Variants in CEBPG observed in about 807,000 individuals in gnomAD.
CEBPG encodes CCAAT/enhancer-binding protein gamma.
A neutral mutation model predicts 11.1 loss-of-function variants in CEBPG; 6 were observed. The observed-to-expected ratio is 0.54, with a 90% confidence interval of 0.30 to 1.07. CEBPG has a LOEUF of 1.07. Among genes scored for constraint, CEBPG ranks in the 50% least tolerant of loss-of-function variants. The probability of loss-of-function intolerance (pLI) is 0.07; values close to 1 mark genes in which losing one functional copy is unlikely to be tolerated. For synonymous variants in CEBPG, 66 were observed against 71.0 expected, an observed-to-expected ratio of 0.93 and a Z score of 0.36; for missense variants, 161 against 187.4, an observed-to-expected ratio of 0.86 and a Z score of 0.82.
chr19:33,379,878 T>C lies in CEBPG; in HGVS notation c.*186T>C. 3.8e-6 allele frequency: 2 copies of C among 527,452 alleles called. No individual in the cohort carries two copies. Among genetic ancestry groups the C allele is most frequent in the South Asian group, 7.7e-5 (2 of 25,962 alleles). 32.7% of individuals were successfully genotyped at this position (527,452 alleles called of 1,614,324 possible). A position where few individuals can be genotyped will look rare whatever the true frequency, so the allele number is the denominator to read the frequency against. On this transcript the variant is annotated 3_prime_UTR_variant, in exon 2 of 2. Transcript: ENST00000284000. Reference sequence around the variant, plus strand: ...ATGTTAGCCTTGTAATTCGAATATCTGGTTTTAAATGATAGAGGTTTTTGT... The same window carrying C: ...ATGTTAGCCTTGTAATTCGAATATCCGGTTTTAAATGATAGAGGTTTTTGT...
At chr19:33,376,046 G>A (rs1967907668) in intron 1 of CEBPG, among the ~76,000 whole-genome samples, 1 of 149,118 alleles carries the variant, frequency 6.7e-6, no homozygotes, top group Admixed American at 6.6e-5. Context: ...TGGAGAGGAA[G>A]AGTAGATGGG....
rs754310521 is a variant in CEBPG at position 33,379,218 on chromosome 19, G to A, written c.-22G>A. On this transcript the variant is annotated 5_prime_UTR_variant, in exon 2 of 2. Transcript: ENST00000284000. Reference sequence around the variant, plus strand: ...CTGCTCTCATTTCTACCTGTTCTGTGTTGGCAAGGGAGAGTGCCCAAATGA... The same window carrying A: ...CTGCTCTCATTTCTACCTGTTCTGTATTGGCAAGGGAGAGTGCCCAAATGA... 7 of 1,515,916 alleles carry A rather than the reference G, an allele frequency of 4.6e-6. No homozygotes were observed. In the Admixed American group the frequency reaches 1.6e-4, roughly 34 times the overall value. The allele number at this position is 1,515,916 out of a possible 1,614,324, so 93.9% of individuals were successfully genotyped here. A position where few individuals can be genotyped will look rare whatever the true frequency, so the allele number is the denominator to read the frequency against.
At position 33,378,089 on chromosome 19, in the gene CEBPG, T is replaced by C. The variant is rs114348619; in HGVS notation, c.-96-1055T>C. On this transcript the variant is annotated intron_variant, in intron 1 of 1. Coordinates refer to ENST00000284000, the MANE Select transcript of CEBPG (RefSeq NM_001806.4). ...TGATTCCTTGGTGGACACCGTTCAC[T>C]GAACTTAGTTTGTCTTGAAGTGGCC... Among the ~76,000 whole-genome samples the C allele has an allele frequency of 9.8e-3, 1,500 of 152,374 alleles. 35 individuals carry two copies. Among genetic ancestry groups the C allele is most frequent in the African/African-American group, 0.035 (1,451 of 41,600 alleles).
At chr19:33,374,210 G>A (rs1967881253) in intron 1 of CEBPG, 1 of 151,124 alleles carries the variant, frequency 6.6e-6, no homozygotes, top group African/African-American at 2.4e-5. Flanking sequence ...AACGGCCGGG[G>A]AATGCCCCCT....
chr19:33,379,670 A>C lies in CEBPG; in HGVS notation c.431A>C (p.Asp144Ala). Residue 144 changes from aspartate to alanine, a missense_variant, in exon 2 of 2, where the codon GAT becomes GCT. By Grantham distance (126) the Asp-to-Ala change is moderately radical. Coordinates refer to ENST00000284000, the MANE Select transcript of CEBPG (RefSeq NM_001806.4). ...ATTAGCACTGAAAATACGACAGCAG[A>C]TGGCGACAATGCAGGACAGTAGACC... ...QSISTENTTA[D>A]GDNAGQ The C allele has an allele frequency of 6.2e-7, 1 of 1,612,506 alleles. No individual in the cohort carries two copies. Among genetic ancestry groups the C allele is most frequent in the Non-Finnish European group, 8.5e-7 (1 of 1,178,810 alleles).
chr19:33,376,028 G>C (rs1162592099), intron 1 of CEBPG, among the ~76,000 whole-genome samples: 2 of 151,986 alleles, frequency 1.3e-5, no homozygotes, highest in Non-Finnish European at 2.9e-5. Context: ...ATTTCGATGG[G>C]ATTGGGATGG....
rs758256565 is a variant in CEBPG, at chr19:33,379,449, G to C, written c.210G>C (p.Glu70Asp). The C allele has an allele frequency of 1.9e-6, 3 of 1,614,000 alleles. No individual in the cohort carries two copies. In the African/African-American group the frequency reaches 4.0e-5, roughly 22 times the overall value. The change falls in exon 2 of 2, where the codon GAG becomes GAC. Residue 70 changes from glutamate (E) to aspartate (D), a missense_variant. Physicochemically the swap from Glu to Asp is conservative, Grantham distance 45 (BLOSUM62 2). Coordinates refer to ENST00000284000, the MANE Select transcript of CEBPG (RefSeq NM_001806.4). The stretch of plus-strand genomic sequence containing the variant: ...GTGACGAGTATCGGCAACGCCGAGA[G>C]AGGAACAACATGGCTGTGAAAAAGA... ...RNSDEYRQRR[E>D]RNNMAVKKSR...
At chr19:33,376,858 A>G (rs1432415394) in intron 1 of CEBPG, among the ~76,000 whole-genome samples, 1 of 152,234 alleles carries the variant, frequency 6.6e-6, no homozygotes, top group Non-Finnish European at 1.5e-5. Flanking sequence ...GTGTAAAATC[A>G]CTTAGCTCTT....
At chr19:33,375,063 T>A (rs1383415087) in intron 1 of CEBPG, among the ~76,000 whole-genome samples, 1 of 152,220 alleles carries the variant, frequency 6.6e-6, no homozygotes, top group Admixed American at 6.5e-5. Flanking sequence ...CAAGGCTAAA[T>A]AATTACAGGG....
At chr19:33,374,331 C>G (rs1967883692) in intron 1 of CEBPG, 1 of 152,160 alleles carries the variant, frequency 6.6e-6, no homozygotes, top group South Asian at 2.1e-4. Flanking sequence ...CCGAGTCGAG[C>G]TTTAGAATCC....
At position 33,379,188 on chromosome 19, in the gene CEBPG, T is replaced by TC; in HGVS notation, c.-51dup. 6.8e-7 allele frequency: 1 copy of TC among 1,466,676 alleles called. No homozygotes were observed. The highest frequency in any genetic ancestry group is 9.1e-7 in the Non-Finnish European group (1 of 1,102,126). The allele number at this position is 1,466,676 out of a possible 1,614,324, so 90.9% of individuals were successfully genotyped here. A position where few individuals can be genotyped will look rare whatever the true frequency, so the allele number is the denominator to read the frequency against. On this transcript the variant is annotated 5_prime_UTR_variant, in exon 2 of 2. Transcript: ENST00000284000. Reference sequence around the variant, plus strand: ...GGCAGCTTAGCGTGGAAACCATTGATCACCCTGCTCTCATTTCTACCTGTT... The same window carrying TC: ...GGCAGCTTAGCGTGGAAACCATTGATCCACCCTGCTCTCATTTCTACCTGTT...
In CEBPG at chr19:33,379,925, G is replaced by A. The variant is rs866785295; in HGVS notation, c.*233G>A. ...TTGTGGGAATCAAAATCCCCCAAAT[G>A]TTAAGGTATATGGTAAAAAAAGAAA... is the stretch of plus-strand genomic sequence containing the variant. On this transcript the variant is annotated 3_prime_UTR_variant, in exon 2 of 2. Transcript: ENST00000284000. 1.1e-5 allele frequency: 5 copies of A among 444,208 alleles called. No homozygotes were observed. The highest frequency in any genetic ancestry group is 1.0e-4 in the South Asian group (2 of 19,238). The allele number at this position is 444,208 out of a possible 1,614,324, so 27.5% of individuals were successfully genotyped here. A position where few individuals can be genotyped will look rare whatever the true frequency, so the allele number is the denominator to read the frequency against.
At chr19:33,378,394 T>G (rs551922504) in intron 1 of CEBPG, among the ~76,000 whole-genome samples, 1 of 152,204 alleles carries the variant, frequency 6.6e-6, no homozygotes, top group Non-Finnish European at 1.5e-5. Context: ...CTTCTGTTTC[T>G]TTCCTTGTGG....
In CEBPG at chr19:33,373,831, G is replaced by C. The variant is rs1020268139; in HGVS notation, c.-161G>C. 2.0e-5 allele frequency: 3 copies of C among 151,690 alleles called. No homozygotes were observed. Among genetic ancestry groups the C allele is most frequent in the Non-Finnish European group, 4.4e-5 (3 of 67,946 alleles). The allele number at this position is 151,690 out of a possible 1,614,324, so 9.4% of individuals were successfully genotyped here. Reference sequence around the variant, plus strand: ...CGGGCTGTGAGGCCTGGGTCGGCTCGGGCCGCACCGCGCGGGGCCGCTCGG... The same window carrying C: ...CGGGCTGTGAGGCCTGGGTCGGCTCCGGCCGCACCGCGCGGGGCCGCTCGG... On this transcript the variant is annotated 5_prime_UTR_variant, in exon 1 of 2. Transcript: ENST00000284000.
In CEBPG at chr19:33,380,974, T is replaced by TA. The variant is rs1355779622; in HGVS notation, c.*1288dup. 1 of 167,078 alleles carries TA rather than the reference T, an allele frequency of 6.0e-6. No individual in the cohort carries two copies. Among genetic ancestry groups the TA allele is most frequent in the Non-Finnish European group, 1.5e-5 (1 of 68,116 alleles). The allele number at this position is 167,078 out of a possible 1,614,324, so 10.3% of individuals were successfully genotyped here. A position where few individuals can be genotyped will look rare whatever the true frequency, so the allele number is the denominator to read the frequency against. On this transcript the variant is annotated 3_prime_UTR_variant, in exon 2 of 2. Coordinates refer to ENST00000284000, the MANE Select transcript of CEBPG (RefSeq NM_001806.4). The stretch of plus-strand genomic sequence containing the variant: ...AGGATATTGACATTTTTGTTGAGAC[T>TA]AAAAAATGGCAGTCGCTAAAGTAGG...
chr19:33,379,067 A>G (rs757992398), intron 1 of CEBPG, 77 bp from the exon 2 acceptor site: 3 of 541,728 alleles, frequency 5.5e-6, no homozygotes, highest in Non-Finnish European at 9.5e-6. Context: ...TGTTGGCCTG[A>G]TGTTAGGTAC....
rs1388051382 is a variant in CEBPG, at chr19:33,373,845, G to A, written c.-147G>A. ...TGGGTCGGCTCGGGCCGCACCGCGC[G>A]GGGCCGCTCGGAGTGGAGGCCGCCT... On this transcript the variant is annotated 5_prime_UTR_variant, in exon 1 of 2. Transcript: ENST00000284000. 6.6e-6 allele frequency: 1 copy of A among 151,760 alleles called. No individual in the cohort carries two copies. Among genetic ancestry groups the A allele is most frequent in the East Asian group, 1.9e-4 (1 of 5,158 alleles). 9.4% of individuals were successfully genotyped at this position (151,760 alleles called of 1,614,324 possible).
In CEBPG at chr19:33,382,522, G is replaced by A. The variant is rs1968002670; in HGVS notation, c.*2830G>A. Reference sequence around the variant, plus strand: ...GTTTTGTTTCACAAAAGCTGGGAAGGAAGAAGTCCATTCTGCAGCTGTTAG... The same window carrying A: ...GTTTTGTTTCACAAAAGCTGGGAAGAAAGAAGTCCATTCTGCAGCTGTTAG... On this transcript the variant is annotated 3_prime_UTR_variant, in exon 2 of 2. Transcript: ENST00000284000. The A allele has an allele frequency of 1.2e-5, 2 of 167,078 alleles. No individual in the cohort carries two copies. Among genetic ancestry groups the A allele is most frequent in the African/African-American group, 4.8e-5 (2 of 41,456 alleles). The allele number at this position is 167,078 out of a possible 1,614,324, so 10.3% of individuals were successfully genotyped here.
In CEBPG at chr19:33,381,621, G is replaced by C. The variant is rs1757468129; in HGVS notation, c.*1929G>C. On this transcript the variant is annotated 3_prime_UTR_variant, in exon 2 of 2. Transcript: ENST00000284000. ...TTACATAATTAACTTAATTGGAGATGCATTAGGTCACTTGAATGTATAAGC... is the reference window on the plus strand; with the variant it reads ...TTACATAATTAACTTAATTGGAGATCCATTAGGTCACTTGAATGTATAAGC... The C allele has an allele frequency of 6.0e-6, 1 of 167,088 alleles. No individual in the cohort carries two copies. Among genetic ancestry groups the C allele is most frequent in the Admixed American group, 6.5e-5 (1 of 15,294 alleles). The allele number at this position is 167,088 out of a possible 1,614,324, so 10.4% of individuals were successfully genotyped here. A position where few individuals can be genotyped will look rare whatever the true frequency, so the allele number is the denominator to read the frequency against.
Sources: gnomAD v4.1 joint callset for allele counts (sites outside exome capture counted in the v4.1 genomes callset) on GRCh38, gnomAD v4.1.1 for gene constraint, MANE v1.5 for transcripts, NCBI Gene and HGNC (gene_info 2026-07-23, HGNC 2026-07-21) for gene names.